The following ZSWIM6 variants were observed in gnomAD, a reference collection of about 807,000 sequenced individuals.
ZSWIM6 encodes the protein zinc finger SWIM domain-containing protein 6.
A neutral mutation model predicts 113.2 loss-of-function variants in ZSWIM6; 9 were observed. The observed-to-expected ratio is 0.08, with a 90% CI of 0.05 to 0.14. The LOEUF is 0.14. ZSWIM6 is among the 10% of genes least tolerant of loss of function. The pLI, the probability that ZSWIM6 is intolerant of heterozygous loss-of-function variation, is 1.00. For missense variants in ZSWIM6, 1,162 were observed against 1,552.2 expected (o/e 0.75, Z 4.22); for synonymous variants, 611 against 606.5 (o/e 1.01, Z -0.11).
intron 4 of ZSWIM6, among the ~76,000 whole-genome samples, chr5:61,499,174 G>T (rs1748396625): frequency 6.6e-6 from 1 of 152,204 alleles, no homozygotes; most frequent in Non-Finnish European, 1.5e-5. Flanking sequence ...GCAAAAAGAT[G>T]TCGGTACACA....
At chr5:61,505,130 G>A (rs13156100) in intron 4 of ZSWIM6, among the ~76,000 whole-genome samples, 58,126 of 151,896 alleles carry the variant, frequency 0.38, 11,291 homozygotes, top group African/African-American at 0.44. Context: ...TATTGGATGA[G>A]CCATGAAACT....
At chr5:61,377,554 C>T (rs1345996700) in intron 1 of ZSWIM6, among the ~76,000 whole-genome samples, 1 of 151,858 alleles carries the variant, frequency 6.6e-6, no homozygotes, top group African/African-American at 2.4e-5. Flanking sequence ...CCCGTCTCTA[C>T]TAAAAACAAA....
chr5:61,354,167 T>C (rs932026284), intron 1 of ZSWIM6, among the ~76,000 whole-genome samples: 6 of 152,184 alleles, frequency 3.9e-5, no homozygotes, highest in Non-Finnish European at 8.8e-5. Flanking sequence ...ATCGTACTTA[T>C]CCCTGCTCAG....
chr5:61,491,011 A>G (rs1299654586), intron 3 of ZSWIM6, 77 bp downstream of exon 3: 3 of 1,339,558 alleles, frequency 2.2e-6, no homozygotes, highest in African/African-American at 3.1e-5. Context: ...TCATGTCTAC[A>G]ATAGGATAAA....
At chr5:61,474,567 A>G (rs562778211) in intron 2 of ZSWIM6, among the ~76,000 whole-genome samples, 1 of 152,238 alleles carries the variant, frequency 6.6e-6, no homozygotes, top group South Asian at 2.1e-4. Context: ...ACTTTTTTTC[A>G]TGTTAAGTCT....
At chr5:61,533,288 A>G (rs1749490770) in intron 9 of ZSWIM6, among the ~76,000 whole-genome samples, 1 of 152,234 alleles carries the variant, frequency 6.6e-6, no homozygotes, top group Admixed American at 6.5e-5. Flanking sequence ...TGAGAACTCC[A>G]TGACTGAATT....
chr5:61,511,333 A>G (rs1363246267), intron 4 of ZSWIM6, among the ~76,000 whole-genome samples: 1 of 152,124 alleles, frequency 6.6e-6, no homozygotes, highest in African/African-American at 2.4e-5. Flanking sequence ...AGTTTTATGG[A>G]GTTCTTTTTT....
intron 9 of ZSWIM6, among the ~76,000 whole-genome samples, chr5:61,535,080 G>T (rs1459116331): frequency 6.6e-6 from 1 of 152,162 alleles, no homozygotes; most frequent in Non-Finnish European, 1.5e-5. Context: ...AGGTCCAGGG[G>T]TAGTTTCCAT....
At chr5:61,494,114 A>G (rs1487949536) in intron 3 of ZSWIM6, 146 bp from the exon 4 acceptor site, 15 of 885,248 alleles carry the variant, frequency 1.7e-5, no homozygotes, top group Admixed American at 5.7e-5. Flanking sequence ...CTCCCCGCCT[A>G]TCCTCCACCA....
At chr5:61,526,912 A>C (rs965460405) in intron 7 of ZSWIM6, among the ~76,000 whole-genome samples, 2 of 152,232 alleles carry the variant, frequency 1.3e-5, no homozygotes, top group African/African-American at 4.8e-5. Flanking sequence ...TCTGTAAAGC[A>C]CTTAAAGCAA....
chr5:61,397,704 C>T (rs1246303598), intron 1 of ZSWIM6, among the ~76,000 whole-genome samples: 1 of 152,102 alleles, frequency 6.6e-6, no homozygotes, highest in East Asian at 1.9e-4. Flanking sequence ...TAATCTTCAC[C>T]TAAATTTTGA....
At chr5:61,393,752 T>A (rs932920513) in intron 1 of ZSWIM6, among the ~76,000 whole-genome samples, 4 of 144,242 alleles carry the variant, frequency 2.8e-5, no homozygotes, top group African/African-American at 7.7e-5. Context: ...AAAAAAAAAA[T>A]GTACTTTTAG....
At chr5:61,426,467 C>T (rs1331910954) in intron 1 of ZSWIM6, among the ~76,000 whole-genome samples, 1 of 152,150 alleles carries the variant, frequency 6.6e-6, no homozygotes, top group East Asian at 1.9e-4. Context: ...TTTTTCCAAA[C>T]CATTTTGGAA....
At chr5:61,505,268 T>C (rs1748571571) in intron 4 of ZSWIM6, among the ~76,000 whole-genome samples, 1 of 152,224 alleles carries the variant, frequency 6.6e-6, no homozygotes, top group African/African-American at 2.4e-5. Flanking sequence ...CAGTCCTTTT[T>C]GCCTTTTTGT....
At chr5:61,432,295 A>G (rs1419510807) in intron 1 of ZSWIM6, among the ~76,000 whole-genome samples, 1 of 152,230 alleles carries the variant, frequency 6.6e-6, no homozygotes, top group Non-Finnish European at 1.5e-5. Flanking sequence ...ACCTGTGCAA[A>G]ACGAACTGCA....
At chr5:61,499,440 A>G (rs1159997361) in intron 4 of ZSWIM6, among the ~76,000 whole-genome samples, 1 of 152,188 alleles carries the variant, frequency 6.6e-6, no homozygotes, top group East Asian at 1.9e-4. Flanking sequence ...GGTAGGTGAT[A>G]GTACCAGTAG....
chr5:61,490,670 A>G (rs896956269), intron 2 of ZSWIM6, 116 bp from the exon 3 acceptor site: 9 of 1,010,334 alleles, frequency 8.9e-6, no homozygotes, highest in Non-Finnish European at 1.3e-5. Flanking sequence ...ACAAATTTGT[A>G]TGTATAATTG....
At chr5:61,517,953 A>T (rs1580057220) in intron 4 of ZSWIM6, among the ~76,000 whole-genome samples, 1 of 80,102 alleles carries the variant, frequency 1.2e-5, no homozygotes, top group Non-Finnish European at 2.3e-5. Flanking sequence ...CCCACCCCAC[A>T]ACAGTCCCCA....
intron 1 of ZSWIM6, among the ~76,000 whole-genome samples, chr5:61,357,334 TA>T (rs1290747835): frequency 6.6e-6 from 1 of 152,138 alleles, no homozygotes; most frequent in Non-Finnish European, 1.5e-5. Context: ...TACACAAAGA[TA>T]ATACAGTCAC....
Sources: allele counts gnomAD v4.1 joint callset (sites outside exome capture counted in the v4.1 genomes callset), GRCh38; gene constraint gnomAD v4.1.1; transcripts MANE v1.5; gene names NCBI Gene and HGNC (gene_info 2026-07-23, HGNC 2026-07-21).